PCDH11X: variants seen among roughly 807,000 people sequenced by gnomAD.
PCDH11X encodes protocadherin 11 X-linked.
Under a neutral mutation model 53.3 loss-of-function variants are expected in PCDH11X, and 18 were observed. The ratio of observed to expected loss-of-function variants is 0.34; its 90% CI spans 0.23 to 0.50. PCDH11X has a LOEUF of 0.50. Ranked by LOEUF, PCDH11X falls within the 20% of genes least tolerant of loss-of-function variation. The probability of loss-of-function intolerance (pLI) is 0.98; values close to 1 mark genes in which losing one functional copy is unlikely to be tolerated. For missense variants in PCDH11X, 570 were observed against 1,032.4 expected (o/e 0.55, Z 6.14); for synonymous variants, 279 against 393.3 (o/e 0.71, Z 3.44).
chrX:91,895,706 C>T (rs1047392322), intron 6 of PCDH11X, among the ~76,000 whole-genome samples: 31 of 107,513 alleles, frequency 2.9e-4, no homozygotes, highest in African/African-American at 1.0e-3. Context: ...AGTTTGATTT[C>T]TGTACAGATG....
At chrX:92,149,989 T>C (rs2065404665) in intron 6 of PCDH11X, among the ~76,000 whole-genome samples, 2 of 112,229 alleles carry the variant, frequency 1.8e-5, no homozygotes, top group South Asian at 3.6e-4. Flanking sequence ...AGTTCATTTA[T>C]TCATTCATCC....
At chrX:92,359,201 C>T in intron 8 of PCDH11X, among the ~76,000 whole-genome samples, 1 of 105,608 alleles carries the variant, frequency 9.5e-6, no homozygotes, top group African/African-American at 3.4e-5. Flanking sequence ...GAGTTATCTT[C>T]ATATTTTGGA....
intron 9 of PCDH11X, among the ~76,000 whole-genome samples, chrX:92,415,824 G>A (rs1392929458): frequency 1.8e-5 from 2 of 111,612 alleles, no homozygotes; most frequent in African/African-American, 6.5e-5. Context: ...ACTACCAGGT[G>A]AACTGGCACA....
In PCDH11X at chrX:92,589,664, G is replaced by A. The variant is rs192835499; in HGVS notation, c.3368-28600G>A. ...AATCACCTTCATTAAAATGAATGAA[G>A]CTGCCTTTCTAAAAATTGTATCAGT... On this transcript the variant is annotated intron_variant, in intron 10 of 10. Transcript: ENST00000682573. Among the ~76,000 whole-genome samples the A allele has an allele frequency of 8.1e-5, 9 of 111,595 alleles. No individual in the cohort carries two copies. In the East Asian group the frequency reaches 2.5e-3, roughly 32 times the overall value.
Position 92,252,093 on chromosome X carries a change from A to C in PCDH11X, c.3115-11021A>C, listed in dbSNP as rs147646058. 9.0e-3 allele frequency among the ~76,000 whole-genome samples: 1,001 copies of C among 111,450 alleles called. 11 individuals carry two copies. The highest frequency in any genetic ancestry group is 0.031 in the African/African-American group (963 of 30,705). ...AATAAAATTTAAGATTATTGTTATT[A>C]TTATTACATTTACCAGTGTCTTTTC... is the stretch of plus-strand genomic sequence containing the variant. On this transcript the variant is annotated intron_variant, in intron 7 of 10. Transcript: ENST00000682573.
intron 6 of PCDH11X, among the ~76,000 whole-genome samples, chrX:92,155,011 C>T (rs1443597687): frequency 9.7e-6 from 1 of 103,481 alleles, no homozygotes; most frequent in Non-Finnish European, 2.0e-5. Flanking sequence ...ACAAAGAGCA[C>T]CCTGTAACAC....
At chrX:91,886,545 T>G in intron 6 of PCDH11X, among the ~76,000 whole-genome samples, 1 of 110,838 alleles carries the variant, frequency 9.0e-6, no homozygotes, top group East Asian at 2.8e-4. Flanking sequence ...AGCTATTATA[T>G]TTCTCACTTT....
intron 6 of PCDH11X, among the ~76,000 whole-genome samples, chrX:92,139,515 G>C (rs1432124371): frequency 9.2e-6 from 1 of 109,090 alleles, no homozygotes; most frequent in Non-Finnish European, 1.9e-5. Context: ...ACCTGCCTCA[G>C]CCTCCCAAAG....
In PCDH11X at chrX:91,786,345, G is replaced by A. The variant is rs750889378; in HGVS notation, c.-379+6661G>A. On this transcript the variant is annotated intron_variant, in intron 1 of 10. Coordinates refer to ENST00000682573, the MANE Select transcript of PCDH11X (RefSeq NM_032968.5). ...TAAATGAAAGGAGAGAATAAATTCC[G>A]GAAGAATATATTTCTCTGTTCAATA... Among the ~76,000 whole-genome samples, 14 of 109,519 alleles carry A rather than the reference G, an allele frequency of 1.3e-4. No homozygotes were observed. In the East Asian group the frequency reaches 2.3e-3, roughly 18 times the overall value.
intron 8 of PCDH11X, among the ~76,000 whole-genome samples, chrX:92,277,912 C>G (rs1026687579): frequency 3.6e-5 from 4 of 111,249 alleles, no homozygotes; most frequent in East Asian, 2.9e-4. Context: ...CGGGACTTGC[C>G]GCTAAGGGTG....
intron 8 of PCDH11X, among the ~76,000 whole-genome samples, chrX:92,377,504 T>C (rs2070778554): frequency 9.0e-6 from 1 of 111,465 alleles, no homozygotes; most frequent in Middle Eastern, 4.3e-3. Flanking sequence ...TCTTATTAAA[T>C]AGAAAATATG....
intron 6 of PCDH11X, among the ~76,000 whole-genome samples, chrX:92,167,056 C>T (rs1265880639): frequency 9.2e-6 from 1 of 109,222 alleles, no homozygotes; most frequent in Non-Finnish European, 1.9e-5. Flanking sequence ...GTAATTTAAA[C>T]CTGCACCTGC....
chrX:91,970,365 T>A (rs141544244), intron 6 of PCDH11X, among the ~76,000 whole-genome samples: 15 of 111,438 alleles, frequency 1.3e-4, no homozygotes, highest in African/African-American at 4.9e-4. Flanking sequence ...TTGGTCCATT[T>A]TACAGAATGC....
intron 7 of PCDH11X, among the ~76,000 whole-genome samples, chrX:92,216,287 T>G (rs1200536586): frequency 6.4e-5 from 7 of 109,978 alleles, no homozygotes; most frequent in African/African-American, 1.3e-4. Flanking sequence ...CAAAGGCAAA[T>G]AAGTTGAAAA....
At chrX:92,497,210 G>A (rs2557034) in intron 10 of PCDH11X, among the ~76,000 whole-genome samples, 29,074 of 106,592 alleles carry the variant, frequency 0.27, 3,873 homozygotes, top group Non-Finnish European at 0.36. Flanking sequence ...TTGACCTAAC[G>A]GTATTCTTGT....
chrX:92,208,022 C>A (rs1426963916), intron 7 of PCDH11X, among the ~76,000 whole-genome samples: 1 of 108,645 alleles, frequency 9.2e-6, no homozygotes, highest in East Asian at 2.9e-4. Context: ...TGGTGAAACC[C>A]CGTCTCTATT....
intron 10 of PCDH11X, among the ~76,000 whole-genome samples, chrX:92,543,775 CAA>C (rs748411956): frequency 1.8e-5 from 1 of 56,322 alleles, no homozygotes; most frequent in African/African-American, 6.4e-5. Context: ...GAGACTCTGC[CAA>C]AAAAAAAAAA....
chrX:91,951,770 T>C (rs2061643418), intron 6 of PCDH11X, among the ~76,000 whole-genome samples: 1 of 111,240 alleles, frequency 9.0e-6, no homozygotes, highest in Admixed American at 9.7e-5. Context: ...TTATATTTTC[T>C]GATGATCCTT....
intron 6 of PCDH11X, among the ~76,000 whole-genome samples, chrX:92,125,858 G>A (rs191006200): frequency 9.0e-6 from 1 of 110,525 alleles, no homozygotes; most frequent in East Asian, 2.8e-4. Context: ...TGGGCGCAGT[G>A]TCTCACGCCT....
Sources: allele counts gnomAD v4.1 joint callset (sites outside exome capture counted in the v4.1 genomes callset), GRCh38; gene constraint gnomAD v4.1.1; transcripts MANE v1.5; gene names NCBI Gene and HGNC (gene_info 2026-07-23, HGNC 2026-07-21).